The following ROBO1 variants were observed in gnomAD, a reference collection of about 807,000 sequenced individuals.
ROBO1 encodes the protein roundabout guidance receptor 1.
Under a neutral mutation model 195.9 loss-of-function variants are expected in ROBO1, and 149 were observed. The ratio of observed to expected loss-of-function variants is 0.76; its 90% CI spans 0.67 to 0.87. The LOEUF is 0.87. Among genes scored for constraint, ROBO1 ranks in the 40% least tolerant of loss-of-function variants. The pLI is 0.00. For synonymous variants in ROBO1, 816 were observed against 733.2 expected (o/e 1.11, Z -1.82); for missense variants, 1,933 against 2,068.3 (o/e 0.93, Z 1.27).
intron 2 of ROBO1, among the ~76,000 whole-genome samples, chr3:79,402,356 C>T (rs773684832): frequency 1.3e-5 from 2 of 151,856 alleles, no homozygotes; most frequent in Non-Finnish European, 2.9e-5. Flanking sequence ...GTTTAAGTTA[C>T]ATTTCCCCAT....
chr3:79,547,142 G>A (rs1454686585), intron 2 of ROBO1, among the ~76,000 whole-genome samples: 10 of 119,388 alleles, frequency 8.4e-5, no homozygotes, highest in Non-Finnish European at 1.6e-4. Flanking sequence ...CCGAGATCGT[G>A]CCACTGCACT....
intron 4 of ROBO1, among the ~76,000 whole-genome samples, chr3:78,756,022 T>C (rs1455178661): frequency 1.3e-5 from 2 of 152,152 alleles, no homozygotes; most frequent in African/African-American, 4.8e-5. Context: ...GTTTGATCCA[T>C]ATCATGTATT....
intron 4 of ROBO1, among the ~76,000 whole-genome samples, chr3:78,825,021 A>G (rs2031452383): frequency 6.6e-6 from 1 of 152,148 alleles, no homozygotes; most frequent in African/African-American, 2.4e-5. Flanking sequence ...TTTTCTAAAT[A>G]ACCTCTTTTT....
chr3:79,712,758 A>C (rs1440587308), intron 1 of ROBO1, among the ~76,000 whole-genome samples: 1 of 152,108 alleles, frequency 6.6e-6, no homozygotes, highest in African/African-American at 2.4e-5. Context: ...TCTTTGAAGG[A>C]CAGACTGACT....
chr3:79,512,530 T>C (rs1328424907), intron 2 of ROBO1, among the ~76,000 whole-genome samples: 1 of 152,176 alleles, frequency 6.6e-6, no homozygotes, highest in Non-Finnish European at 1.5e-5. Flanking sequence ...TATATCTAAT[T>C]CCTTTTTACA....
chr3:78,694,266 T>C (rs934676225), intron 8 of ROBO1, among the ~76,000 whole-genome samples: 9 of 152,148 alleles, frequency 5.9e-5, no homozygotes, highest in African/African-American at 2.2e-4. Flanking sequence ...AACTTTTTCA[T>C]AATAGCCCCA....
At chr3:79,571,108 G>A (rs919822841) in intron 2 of ROBO1, among the ~76,000 whole-genome samples, 2 of 152,050 alleles carry the variant, frequency 1.3e-5, no homozygotes, top group African/African-American at 4.8e-5. Context: ...TTCATGGTAT[G>A]TTTTAGGATG....
intron 4 of ROBO1, among the ~76,000 whole-genome samples, chr3:78,839,295 C>T (rs547132090): frequency 5.3e-5 from 8 of 151,656 alleles, no homozygotes; most frequent in Admixed American, 3.3e-4. Context: ...ATGATGTATC[C>T]GTATAATGAT....
chr3:79,412,770 A>T (rs2037826647), intron 2 of ROBO1, among the ~76,000 whole-genome samples: 2 of 151,716 alleles, frequency 1.3e-5, no homozygotes, highest in South Asian at 4.1e-4. Context: ...ACATTCAAGG[A>T]TCATCTGCAA....
At chr3:78,786,034 A>C (rs1467145498) in intron 4 of ROBO1, among the ~76,000 whole-genome samples, 1 of 152,174 alleles carries the variant, frequency 6.6e-6, no homozygotes, top group Non-Finnish European at 1.5e-5. Context: ...CTATAAATTA[A>C]ATTAATGTGA....
intron 2 of ROBO1, among the ~76,000 whole-genome samples, chr3:79,419,373 C>G (rs760542729): frequency 6.6e-6 from 1 of 152,084 alleles, no homozygotes; most frequent in Non-Finnish European, 1.5e-5. Flanking sequence ...TTGAGTATGA[C>G]ATAGTCCAGC....
intron 4 of ROBO1, among the ~76,000 whole-genome samples, chr3:78,855,944 T>C (rs566476275): frequency 4.9e-4 from 74 of 151,950 alleles, no homozygotes; most frequent in Non-Finnish European, 9.1e-4. Context: ...GGATCAAAAA[T>C]TACTTTTACA....
intron 2 of ROBO1, among the ~76,000 whole-genome samples, chr3:79,383,122 T>A (rs1382415707): frequency 3.9e-5 from 6 of 152,092 alleles, no homozygotes; most frequent in African/African-American, 7.2e-5. Context: ...ATTATACAAA[T>A]CTTTATATGT....
chr3:79,037,286 A>G (rs1406473720), intron 3 of ROBO1, among the ~76,000 whole-genome samples: 2 of 152,182 alleles, frequency 1.3e-5, no homozygotes, highest in African/African-American at 4.8e-5. Context: ...GCTTCTCTGT[A>G]TGAATATACC....
rs1019829250 is a variant in ROBO1, at chr3:79,018,554, A to T, written c.173-79627T>A. 2.5e-6 allele frequency: 4 copies of T among 1,569,564 alleles called. No individual in the cohort carries two copies. The East Asian group carries it at 9.2e-5, about 36-fold the overall frequency. ...GTATGAAGCCACACACCACACACAA[A>T]GGCTTAATATAAGCAACGTGGGTCA... On this transcript the variant is annotated intron_variant, in intron 3 of 30. Coordinates refer to ENST00000464233, the MANE Select transcript of ROBO1 (RefSeq NM_002941.4).
At chr3:79,530,843 G>A (rs1262642348) in intron 2 of ROBO1, among the ~76,000 whole-genome samples, 2 of 146,558 alleles carry the variant, frequency 1.4e-5, no homozygotes, top group Non-Finnish European at 3.0e-5. Flanking sequence ...GAATAAAGAT[G>A]GAAGTCCCTT....
intron 5 of ROBO1, among the ~76,000 whole-genome samples, chr3:78,739,833 A>G (rs1005182600): frequency 2.0e-5 from 3 of 152,198 alleles, no homozygotes; most frequent in African/African-American, 4.8e-5. Context: ...ATCATTGAAC[A>G]TTAAAAACAG....
At chr3:79,259,678 G>A (rs2082904502) in intron 2 of ROBO1, among the ~76,000 whole-genome samples, 1 of 151,832 alleles carries the variant, frequency 6.6e-6, no homozygotes, top group South Asian at 2.1e-4. Context: ...CATCTGACAA[G>A]AGTTTAATAA....
At chr3:79,603,646 T>C (rs575588505) in intron 1 of ROBO1, among the ~76,000 whole-genome samples, 1 of 152,178 alleles carries the variant, frequency 6.6e-6, no homozygotes, top group Admixed American at 6.6e-5. Flanking sequence ...ACCACTGAGA[T>C]TGGTCTAATG....
Sources: allele counts gnomAD v4.1 joint callset (sites outside exome capture counted in the v4.1 genomes callset), GRCh38; gene constraint gnomAD v4.1.1; transcripts MANE v1.5; gene names NCBI Gene and HGNC (gene_info 2026-07-23, HGNC 2026-07-21).